Variants in NDC80 observed in about 807,000 individuals in gnomAD.
NDC80 encodes the protein kinetochore protein NDC80 homolog.
Under a neutral mutation model 89.3 loss-of-function variants are expected in NDC80, and 69 were observed. That is an observed-to-expected ratio of 0.77 (90% CI 0.64 to 0.94). The LOEUF (loss-of-function observed/expected upper bound fraction) is 0.94, where lower values mean the gene tolerates loss of function less well. Among genes scored for constraint, NDC80 ranks in the 40% least tolerant of loss-of-function variants. The pLI, the probability that NDC80 is intolerant of heterozygous loss-of-function variation, is 0.00. For missense variants in NDC80, 593 were observed against 739.6 expected, an observed-to-expected ratio of 0.80 and a Z score of 2.30; for synonymous variants, 243 against 255.6, an observed-to-expected ratio of 0.95 and a Z score of 0.47.
At chr18:2,604,167 T>C (rs1309009511) in intron 13 of NDC80, among the ~76,000 whole-genome samples, 1 of 152,248 alleles carries the variant, frequency 6.6e-6, no homozygotes, top group African/African-American at 2.4e-5. Context: ...AGTGGGAAGA[T>C]GGGCATGAAA....
At chr18:2,592,875 T>C (rs1453001470) in intron 10 of NDC80, among the ~76,000 whole-genome samples, 1 of 152,116 alleles carries the variant, frequency 6.6e-6, no homozygotes, top group Non-Finnish European at 1.5e-5. Flanking sequence ...CAGCCTGCTA[T>C]AAAAATGCTA....
intron 11 of NDC80, 27 bp from the exon 12 acceptor site, chr18:2,598,992 C>A (rs1160258512): frequency 3.3e-6 from 5 of 1,509,000 alleles, no homozygotes; most frequent in Non-Finnish European, 4.4e-6. Flanking sequence ...GCTGCTTTAA[C>A]ATGTCTTATG....
intron 1 of NDC80, among the ~76,000 whole-genome samples, chr18:2,572,674 T>A (rs958423631): frequency 9.9e-5 from 15 of 152,216 alleles, no homozygotes; most frequent in African/African-American, 3.6e-4. Flanking sequence ...GATACCCTTG[T>A]GAAGGCAAAA....
At chr18:2,579,632 A>C (rs527255072) in intron 6 of NDC80, among the ~76,000 whole-genome samples, 116 of 152,158 alleles carry the variant, frequency 7.6e-4, no homozygotes, top group African/African-American at 2.6e-3. Context: ...CCACCATGTT[A>C]GCCAGGCTGG....
At position 2,572,992 on chromosome 18, in the gene NDC80, C is replaced by CTTATGTAGGTCATAA. The variant is rs1567992541; in HGVS notation, c.7_8insTTATGTAGGTCATAA (p.Arg3delinsLeuMetTer). 2.5e-6 allele frequency: 4 copies of CTTATGTAGGTCATAA among 1,613,300 alleles called. No homozygotes were observed. The South Asian group carries it at 3.3e-5, about 13-fold the overall frequency. Reference sequence around the variant, plus strand: ...GTGAATGTAGGTCATAAGCATGAAGCGCAGTTCAGTTTCCAGCGGTGGTGC... The same window carrying CTTATGTAGGTCATAA: ...GTGAATGTAGGTCATAAGCATGAAGCTTATGTAGGTCATAAGCAGTTCAGTTTCCAGCGGTGGTGC... On this transcript the variant is annotated stop_gained and protein_altering_variant, in exon 2 of 17. Transcript: ENST00000261597. LOFTEE classifies it high-confidence loss of function.
intron 14 of NDC80, among the ~76,000 whole-genome samples, chr18:2,608,325 C>T (rs2072725879): frequency 6.6e-6 from 1 of 151,856 alleles, no homozygotes; most frequent in African/African-American, 2.4e-5. Flanking sequence ...CATGTCTCAG[C>T]CTCATGAGTA....
chr18:2,572,894 C>CTA, intron 1 of NDC80, 83 bp from the exon 2 acceptor site: 1 of 959,564 alleles, frequency 1.0e-6, no homozygotes, highest in Non-Finnish European at 1.5e-6. Context: ...ACCTGACTGT[C>CTA]TTTCTGTTTA....
intron 13 of NDC80, 22 bp from the exon 14 acceptor site, chr18:2,606,393 A>C: frequency 6.5e-7 from 1 of 1,542,762 alleles, no homozygotes; most frequent in Non-Finnish European, 8.8e-7. Context: ...ATGATTTCTC[A>C]ACCAAAGTTT....
intron 8 of NDC80, among the ~76,000 whole-genome samples, chr18:2,588,425 T>G (rs74770234): frequency 1.8e-4 from 27 of 152,108 alleles, no homozygotes; most frequent in African/African-American, 6.3e-4. Context: ...TTTTTTTTTT[T>G]ACTCATTTAC....
intron 6 of NDC80, among the ~76,000 whole-genome samples, chr18:2,583,792 T>C (rs1013368835): frequency 6.6e-6 from 1 of 152,020 alleles, no homozygotes; most frequent in African/African-American, 2.4e-5. Flanking sequence ...GCATCCGCCT[T>C]AGATAAACAA....
In NDC80 at chr18:2,587,848, A is replaced by G; in HGVS notation, c.688A>G (p.Ile230Val). Residue 230 changes from isoleucine (I) to valine (V), a missense_variant, in exon 8 of 17, where the codon ATA (isoleucine) becomes GTA (valine). Coordinates refer to ENST00000261597, the MANE Select transcript of NDC80 (RefSeq NM_006101.3). ...MHNKLFLDYT[I>V]KCYESFMSGA... ...CCCATAGTTGTTTTTGGACTACACC[A>G]TAAAATGCTATGAGAGTTTTATGAG... The G allele has an allele frequency of 1.2e-6, 2 of 1,613,626 alleles. No individual in the cohort carries two copies. Among genetic ancestry groups the G allele is most frequent in the Non-Finnish European group, 1.7e-6 (2 of 1,179,590 alleles).
chr18:2,606,724 A>G (rs554284235), intron 14 of NDC80, among the ~76,000 whole-genome samples: 2 of 152,210 alleles, frequency 1.3e-5, no homozygotes, highest in East Asian at 3.9e-4. Flanking sequence ...TTTACCATAG[A>G]AAAGGAACAT....
chr18:2,595,069 G>A lies in NDC80; in HGVS notation c.1016-347G>A, dbSNP rs369929925. Among the ~76,000 whole-genome samples the A allele has an allele frequency of 3.3e-5, 5 of 151,676 alleles. No individual in the cohort carries two copies. In the East Asian group the frequency reaches 5.8e-4, roughly 18 times the overall value. ...TGAAGCCACATTTTTTTTTCATGTA[G>A]TACTTTTTGAAAACCATTGCAAGCT... On this transcript the variant is annotated intron_variant, in intron 10 of 16. Transcript: ENST00000261597.
chr18:2,572,424 C>A (rs1275224464), intron 1 of NDC80, among the ~76,000 whole-genome samples: 1 of 152,122 alleles, frequency 6.6e-6, no homozygotes, highest in African/African-American at 2.4e-5. Flanking sequence ...ATGATTTATC[C>A]TTGTTGAAGG....
chr18:2,576,879 A>G (rs566482283), intron 3 of NDC80, among the ~76,000 whole-genome samples: 118 of 152,382 alleles, frequency 7.7e-4, no homozygotes, highest in African/African-American at 2.8e-3. Flanking sequence ...AAAACAAAAT[A>G]TAACTTTAAG....
intron 11 of NDC80, among the ~76,000 whole-genome samples, chr18:2,597,928 G>A (rs2072665779): frequency 6.6e-6 from 1 of 152,096 alleles, no homozygotes; most frequent in East Asian, 1.9e-4. Context: ...GGGGATGGAT[G>A]TGTTATATCC....
intron 3 of NDC80, among the ~76,000 whole-genome samples, chr18:2,575,382 C>G (rs1028871252): frequency 2.0e-5 from 3 of 152,164 alleles, no homozygotes; most frequent in Non-Finnish European, 4.4e-5. Context: ...GTAATCCCAG[C>G]GCTTTGGGAG....
chr18:2,588,651 G>A lies in NDC80; in HGVS notation c.764-553G>A, dbSNP rs138291338. ...TGAAAGCATTCCCTTATAGTCCCCT[G>A]GGATTGTATCTTCCTGAAGAGTAAC... On this transcript the variant is annotated intron_variant, in intron 8 of 16. Transcript: ENST00000261597. Among the ~76,000 whole-genome samples, 63 of 152,248 alleles carry A rather than the reference G, an allele frequency of 4.1e-4. 2 individuals carry two copies. The highest frequency in any genetic ancestry group is 1.5e-3 in the African/African-American group (62 of 41,556).
chr18:2,610,437 C>T (rs1172784196), intron 15 of NDC80, among the ~76,000 whole-genome samples: 1 of 152,180 alleles, frequency 6.6e-6, no homozygotes, highest in Non-Finnish European at 1.5e-5. Flanking sequence ...TCTACTCCCC[C>T]ATTTGCAAAT....
Sources: allele counts gnomAD v4.1 joint callset (sites outside exome capture counted in the v4.1 genomes callset), GRCh38; gene constraint gnomAD v4.1.1; transcripts MANE v1.5; gene names NCBI Gene and HGNC (gene_info 2026-07-23, HGNC 2026-07-21).